IL16: variants seen among roughly 807,000 people sequenced by gnomAD.
IL16 encodes the protein interleukin 16.
IL16 carries 67 observed loss-of-function variants against 110.1 expected under a neutral mutation model. That is an observed-to-expected ratio of 0.61 (90% CI 0.50 to 0.75). IL16 has a LOEUF of 0.75. IL16 is among the 30% of genes least tolerant of loss of function. The pLI, the probability that IL16 is intolerant of heterozygous loss-of-function variation, is 0.00. For missense variants in IL16, 1,545 were observed against 1,655.0 expected (o/e 0.93, Z 1.15); for synonymous variants, 689 against 662.9 (o/e 1.04, Z -0.61).
At position 81,282,736 on chromosome 15, in the gene IL16, G is replaced by C. The variant is rs374254806; in HGVS notation, c.1179G>C (p.Ala393=). ...ACACGCTGTCACCAGGATCCGTGGC[G>C]CACCTGGACGGACGTCTCCGGTATG... is the stretch of plus-strand genomic sequence containing the variant. ...FVHTLSPGSV[A]HLDGRLRCGD... is the part of the protein sequence containing the mutation. Residue 393 remains alanine, a synonymous_variant, in exon 9 of 19, where the codon GCG becomes GCC. Coordinates refer to ENST00000683961, the MANE Select transcript of IL16 (RefSeq NM_172217.5). 1.1e-5 allele frequency: 18 copies of C among 1,613,648 alleles called. No individual in the cohort carries two copies. In the South Asian group the frequency reaches 1.5e-4, roughly 14 times the overall value.
At chr15:81,253,759 A>G (rs1897851066) in intron 2 of IL16, among the ~76,000 whole-genome samples, 1 of 152,230 alleles carries the variant, frequency 6.6e-6, no homozygotes, top group Non-Finnish European at 1.5e-5. Flanking sequence ...TTGTATTAAT[A>G]ATAGTCCAAT....
Position 81,311,661 on chromosome 15 carries a change from G to A in IL16, c.*2863G>A, listed in dbSNP as rs1230818595. 3 of 152,278 alleles carry A rather than the reference G, an allele frequency of 2.0e-5. No individual in the cohort carries two copies. Among genetic ancestry groups the A allele is most frequent in the African/African-American group, 4.8e-5 (2 of 41,452 alleles). 9.4% of individuals were successfully genotyped at this position (152,278 alleles called of 1,614,324 possible). Reference sequence around the variant, plus strand: ...AGAGTATGGAGCTCAGAGAGGGCAGGCATGAAGTTTCCTTGGCTGGTGCAC... The same window carrying A: ...AGAGTATGGAGCTCAGAGAGGGCAGACATGAAGTTTCCTTGGCTGGTGCAC... On this transcript the variant is annotated 3_prime_UTR_variant, in exon 19 of 19. Transcript: ENST00000683961.
rs77958445 is a variant in IL16, at chr15:81,269,597, C to T, written c.624C>T (p.Gly208=). The T allele has an allele frequency of 6.3e-5, 102 of 1,614,130 alleles. No individual in the cohort carries two copies. In the African/African-American group the frequency reaches 1.3e-3, roughly 21 times the overall value. The change falls in exon 5 of 19, where the codon GGC becomes GGT. Residue 208 remains glycine, a synonymous_variant. Transcript: ENST00000683961. ...STAQLVQPSG[G]LQASVISNIV... ...CTCAGCTCGTGCAGCCATCTGGGGG[C>T]CTCCAGGCTTCAGTCATCTCCAACA...
chr15:81,300,449 T>G lies in IL16; in HGVS notation c.3123T>G (p.Ser1041=). The G allele has an allele frequency of 6.2e-7, 1 of 1,613,674 alleles. No individual in the cohort carries two copies. The highest frequency in any genetic ancestry group is 8.5e-7 in the Non-Finnish European group (1 of 1,179,598). Residue 1041 remains serine, a synonymous_variant, in exon 14 of 19, where the codon TCT becomes TCG. Coordinates refer to ENST00000683961, the MANE Select transcript of IL16 (RefSeq NM_172217.5). ...CTGCAAATGGTTCTGCTGAAACATC[T>G]GCCTTGGACACAGGGTTCTCGCTCA... ...DSAANGSAET[S]ALDTGFSLNL... is the part of the protein sequence containing the mutation.
intron 1 of IL16, among the ~76,000 whole-genome samples, chr15:81,204,754 AAAAAAAAG>A (rs1289984569): frequency 4.7e-5 from 6 of 128,206 alleles, no homozygotes; most frequent in East Asian, 3.4e-4. Flanking sequence ...AAAATTAAAA[AAAAAAAAG>A]AAAAAAAAGA....
chr15:81,247,236 T>C (rs951727097), intron 2 of IL16, among the ~76,000 whole-genome samples: 1 of 152,068 alleles, frequency 6.6e-6, no homozygotes, highest in Non-Finnish European at 1.5e-5. Context: ...TTTTCTCTAC[T>C]TTCTTTGATG....
At chr15:81,205,738 C>G (rs937978286) in intron 1 of IL16, among the ~76,000 whole-genome samples, 1 of 152,102 alleles carries the variant, frequency 6.6e-6, no homozygotes, top group African/African-American at 2.4e-5. Context: ...GAAACAAACT[C>G]TCTCTCCCCA....
intron 1 of IL16, among the ~76,000 whole-genome samples, chr15:81,198,660 C>T (rs1487920626): frequency 6.6e-6 from 1 of 151,598 alleles, no homozygotes; most frequent in African/African-American, 2.4e-5. Flanking sequence ...TCAACCCCTC[C>T]CCCTTTCTGG....
intron 1 of IL16, among the ~76,000 whole-genome samples, chr15:81,213,267 A>G (rs1896313381): frequency 6.6e-6 from 1 of 152,184 alleles, no homozygotes; most frequent in Admixed American, 6.5e-5. Context: ...GTATGAGTTC[A>G]ATAACTTATT....
At chr15:81,221,016 G>A (rs1272913437) in intron 1 of IL16, among the ~76,000 whole-genome samples, 1 of 151,910 alleles carries the variant, frequency 6.6e-6, no homozygotes, top group Non-Finnish European at 1.5e-5. Context: ...TAACTATGAT[G>A]ATGAGTCAGT....
At chr15:81,205,335 T>C (rs1006400605) in intron 1 of IL16, among the ~76,000 whole-genome samples, 10 of 151,406 alleles carry the variant, frequency 6.6e-5, no homozygotes, top group Non-Finnish European at 7.4e-5. Flanking sequence ...TGAGAGATGA[T>C]ATATAATGAT....
intron 3 of IL16, among the ~76,000 whole-genome samples, chr15:81,264,365 C>A (rs1300032165): frequency 6.6e-6 from 1 of 152,220 alleles, no homozygotes; most frequent in Non-Finnish European, 1.5e-5. Flanking sequence ...CTCCCTTCTT[C>A]ACCTTGTCTT....
At chr15:81,255,573 C>T (rs1196455678) in intron 2 of IL16, among the ~76,000 whole-genome samples, 1 of 152,214 alleles carries the variant, frequency 6.6e-6, no homozygotes, top group African/African-American at 2.4e-5. Flanking sequence ...CACCTCCCTG[C>T]ATGTGGAAAC....
chr15:81,227,073 A>T (rs1896812918), intron 2 of IL16, among the ~76,000 whole-genome samples: 1 of 152,148 alleles, frequency 6.6e-6, no homozygotes, highest in African/African-American at 2.4e-5. Context: ...AGTGAAAAAT[A>T]CACTACAAGA....
intron 9 of IL16, among the ~76,000 whole-genome samples, chr15:81,283,203 C>T (rs67882884): frequency 0.16 from 25,033 of 152,214 alleles, 2,359 homozygotes; most frequent in Middle Eastern, 0.25. Flanking sequence ...TGACCCTGCA[C>T]ACATTTGTAA....
rs1279149195 is a variant in IL16, at chr15:81,312,940, T to C, written c.*4142T>C. 5.6e-6 allele frequency: 1 copy of C among 178,174 alleles called. No individual in the cohort carries two copies. Among genetic ancestry groups the C allele is most frequent in the Admixed American group, 6.3e-5 (1 of 15,836 alleles). The allele number at this position is 178,174 out of a possible 1,614,324, so 11.0% of individuals were successfully genotyped here. ...CATAAAGCCTTGGTGCCAGAGTGCA[T>C]CGCATGGTGTCCAGGCCGAGTCTCT... is the stretch of plus-strand genomic sequence containing the variant. On this transcript the variant is annotated 3_prime_UTR_variant, in exon 19 of 19. Transcript: ENST00000683961.
At chr15:81,209,282 GA>G (rs1208696076) in intron 1 of IL16, among the ~76,000 whole-genome samples, 6 of 152,170 alleles carry the variant, frequency 3.9e-5, no homozygotes, top group African/African-American at 1.4e-4. Flanking sequence ...ACAGTGTGGG[GA>G]GGGGCGTCCT....
intron 2 of IL16, among the ~76,000 whole-genome samples, chr15:81,247,080 T>TC (rs2142127474): frequency 6.9e-6 from 1 of 144,622 alleles, no homozygotes; most frequent in African/African-American, 2.5e-5. Context: ...CTTTTCCTTT[T>TC]TTTTTTTTTT....
chr15:81,211,931 G>A (rs1208743033), intron 1 of IL16, among the ~76,000 whole-genome samples: 2 of 152,100 alleles, frequency 1.3e-5, no homozygotes, highest in Non-Finnish European at 2.9e-5. Context: ...TTACATCTAT[G>A]TTCATTAGGA....
Sources: gnomAD v4.1 joint callset for allele counts (sites outside exome capture counted in the v4.1 genomes callset) on GRCh38, gnomAD v4.1.1 for gene constraint, MANE v1.5 for transcripts, NCBI Gene and HGNC (gene_info 2026-07-23, HGNC 2026-07-21) for gene names.